DDAH1: variants seen among roughly 807,000 people sequenced by gnomAD.
DDAH1 encodes N(G),N(G)-dimethylarginine dimethylaminohydrolase 1.
A neutral mutation model predicts 28.8 loss-of-function variants in DDAH1; 19 were observed. The ratio of observed to expected loss-of-function variants is 0.66; its 90% CI spans 0.46 to 0.97. The LOEUF (loss-of-function observed/expected upper bound fraction) is 0.97, where lower values mean the gene tolerates loss of function less well. Ranked by LOEUF, DDAH1 falls within the 50% of genes least tolerant of loss-of-function variation. The pLI is 0.00. For synonymous variants in DDAH1, 153 were observed against 154.4 expected, an observed-to-expected ratio of 0.99 and a Z score of 0.07; for missense variants, 326 against 375.9, an observed-to-expected ratio of 0.87 and a Z score of 1.10.
At chr1:85,443,510 G>A (rs1037515513) in intron 1 of DDAH1, among the ~76,000 whole-genome samples, 25 of 152,160 alleles carry the variant, frequency 1.6e-4, no homozygotes, top group African/African-American at 5.3e-4. Context: ...GGCAATGGGG[G>A]CTCTTTGTTG....
At chr1:85,365,070 C>T (rs1462999514) in intron 1 of DDAH1, among the ~76,000 whole-genome samples, 2 of 152,162 alleles carry the variant, frequency 1.3e-5, no homozygotes, top group Non-Finnish European at 2.9e-5. Flanking sequence ...ACTATGAACT[C>T]ATATTAACCT....
At chr1:85,562,756 C>G (rs1659175031) in intron 1 of DDAH1, among the ~76,000 whole-genome samples, 1 of 152,174 alleles carries the variant, frequency 6.6e-6, no homozygotes, top group African/African-American at 2.4e-5. Flanking sequence ...CATGGCCCTG[C>G]TAACACCTTG....
Position 85,320,972 on chromosome 1 carries a change from A to C in DDAH1, c.*480T>G, listed in dbSNP as rs1242089822. ...GCTGTGATAGAAGAGCGAAAGGCAA[A>C]AGTAACTAACTGAATTTCAGAATTC... On this transcript the variant is annotated 3_prime_UTR_variant, in exon 6 of 6. Transcript: ENST00000284031. 1 of 152,222 alleles carries C rather than the reference A, an allele frequency of 6.6e-6. No homozygotes were observed. The highest frequency in any genetic ancestry group is 1.5e-5 in the Non-Finnish European group (1 of 68,158). 9.4% of individuals were successfully genotyped at this position (152,222 alleles called of 1,614,324 possible).
At chr1:85,346,668 T>TG (rs1648866066) in intron 4 of DDAH1, among the ~76,000 whole-genome samples, 1 of 152,094 alleles carries the variant, frequency 6.6e-6, no homozygotes, top group South Asian at 2.1e-4. Flanking sequence ...CACTTATAAG[T>TG]GATATATTTG....
At chr1:85,450,313 C>T (rs952165550) in intron 1 of DDAH1, among the ~76,000 whole-genome samples, 1 of 152,170 alleles carries the variant, frequency 6.6e-6, no homozygotes, top group Non-Finnish European at 1.5e-5. Context: ...CCCTTTCTTA[C>T]AGGTGACAAA....
At chr1:85,448,430 A>C (rs1008671933) in intron 1 of DDAH1, among the ~76,000 whole-genome samples, 30 of 152,346 alleles carry the variant, frequency 2.0e-4, no homozygotes, top group Middle Eastern at 3.4e-3. Context: ...GGTTTATTTT[A>C]GAGTTCTATG....
intron 4 of DDAH1, among the ~76,000 whole-genome samples, chr1:85,341,214 C>T (rs931735739): frequency 2.0e-5 from 3 of 152,198 alleles, no homozygotes; most frequent in African/African-American, 7.2e-5. Context: ...CTCAGTATCC[C>T]TGTGCTTGGG....
chr1:85,466,743 A>C (rs187628656), upstream of DDAH1, among the ~76,000 whole-genome samples: 13 of 152,242 alleles, frequency 8.5e-5, no homozygotes, highest in African/African-American at 3.1e-4. Context: ...ATTTCCATCA[A>C]AGTTACAGGT....
At chr1:85,348,886 G>C (rs1256474786) in intron 4 of DDAH1, among the ~76,000 whole-genome samples, 1 of 152,212 alleles carries the variant, frequency 6.6e-6, no homozygotes, top group Admixed American at 6.5e-5. Flanking sequence ...CAGAATGGCA[G>C]AAGGGGCCAC....
At chr1:85,353,515 C>CTGACAGTTTT (rs1311726079) in intron 2 of DDAH1, among the ~76,000 whole-genome samples, 2 of 152,108 alleles carry the variant, frequency 1.3e-5, no homozygotes, top group Non-Finnish European at 2.9e-5. Context: ...TTGTGGCACA[C>CTGACAGTTTT]TGACAGTTTT....
At chr1:85,469,739 T>G (rs665091), upstream of DDAH1, among the ~76,000 whole-genome samples, 33,246 of 152,076 alleles carry the variant, frequency 0.22, 3,676 homozygotes, top group African/African-American at 0.26. Flanking sequence ...AATCATAGAT[T>G]CAATAAATAT....
chr1:85,556,263 C>G (rs1658966046), intron 1 of DDAH1, among the ~76,000 whole-genome samples: 1 of 152,200 alleles, frequency 6.6e-6, no homozygotes. Context: ...CCAACATCCT[C>G]TGCCCCATTG....
intron 2 of DDAH1, among the ~76,000 whole-genome samples, chr1:85,480,151 T>C (rs1458576073): frequency 6.6e-6 from 1 of 152,128 alleles, no homozygotes; most frequent in African/African-American, 2.4e-5. Context: ...AACATTCACC[T>C]TAGAAATTCT....
chr1:85,455,552 A>G (rs1310350060), intron 1 of DDAH1, among the ~76,000 whole-genome samples: 1 of 152,208 alleles, frequency 6.6e-6, no homozygotes, highest in Non-Finnish European at 1.5e-5. Context: ...GCACACATAT[A>G]TGGAAGGTTT....
chr1:85,321,312 T>C lies in DDAH1; in HGVS notation c.*140A>G. 1.5e-6 allele frequency: 1 copy of C among 658,720 alleles called. No individual in the cohort carries two copies. Among genetic ancestry groups the C allele is most frequent in the Non-Finnish European group, 2.7e-6 (1 of 367,484 alleles). 40.8% of individuals were successfully genotyped at this position (658,720 alleles called of 1,614,324 possible). ...GGGTGGGGGTGTTGAATGAAGCAAT[T>C]CAACTTAGAATCAAATTTTGTAAAC... On this transcript the variant is annotated 3_prime_UTR_variant, in exon 6 of 6. Transcript: ENST00000284031.
chr1:85,491,677 T>C (rs964356151), intron 2 of DDAH1, among the ~76,000 whole-genome samples: 3 of 152,214 alleles, frequency 2.0e-5, no homozygotes, highest in African/African-American at 7.2e-5. Context: ...AAGTTGGAAT[T>C]CCGTCATTTG....
chr1:85,558,177 C>A (rs1233112847), intron 1 of DDAH1, among the ~76,000 whole-genome samples: 3 of 151,998 alleles, frequency 2.0e-5, no homozygotes, highest in Non-Finnish European at 4.4e-5. Context: ...GACTGGCCAA[C>A]ATGATGAAAC....
intron 1 of DDAH1, among the ~76,000 whole-genome samples, chr1:85,558,574 G>GC (rs1553148845): frequency 3.9e-5 from 6 of 152,052 alleles, no homozygotes; most frequent in Non-Finnish European, 8.8e-5. Context: ...GGGTCTCTAT[G>GC]TTTTTTGATT....
upstream of DDAH1, among the ~76,000 whole-genome samples, chr1:85,466,403 A>G (rs909785327): frequency 1.3e-5 from 2 of 152,164 alleles, no homozygotes; most frequent in African/African-American, 4.8e-5. Context: ...GGTGCACGCC[A>G]CCACTCGCGG....
Sources: gnomAD v4.1 joint callset for allele counts (sites outside exome capture counted in the v4.1 genomes callset) on GRCh38, gnomAD v4.1.1 for gene constraint, MANE v1.5 for transcripts, NCBI Gene and HGNC (gene_info 2026-07-23, HGNC 2026-07-21) for gene names.